NOA1: variants seen among roughly 807,000 people sequenced by gnomAD.
The protein encoded by NOA1 is nitric oxide associated 1, also known as nitric oxide-associated protein 1.
Under a neutral mutation model 58.4 loss-of-function variants are expected in NOA1, and 35 were observed. That is an observed-to-expected ratio of 0.60 (90% CI 0.46 to 0.79). The LOEUF (loss-of-function observed/expected upper bound fraction) is 0.79. Among genes scored for constraint, NOA1 ranks in the 30% least tolerant of loss-of-function variants. NOA1 has a pLI of 0.00. For synonymous variants in NOA1, 397 were observed against 373.4 expected (o/e 1.06, Z -0.73); for missense variants, 895 against 894.6 (o/e 1.00, Z -0.01).
At chr4:56,967,409 A>G (rs1449861153) in intron 4 of NOA1, among the ~76,000 whole-genome samples, 1 of 151,938 alleles carries the variant, frequency 6.6e-6, no homozygotes, top group Admixed American at 6.6e-5. Flanking sequence ...ACAAAAAAAC[A>G]AAAAACCAAC....
chr4:56,968,979 G>T (rs1330907567), intron 3 of NOA1, among the ~76,000 whole-genome samples: 3 of 152,220 alleles, frequency 2.0e-5, no homozygotes, highest in African/African-American at 7.2e-5. Flanking sequence ...CTAGGAGCAA[G>T]TAAAGTGGCT....
Position 56,976,740 on chromosome 4 carries a change from G to A in NOA1, c.846C>T (p.Gly282=), listed in dbSNP as rs201444650. 39 of 1,611,178 alleles carry A rather than the reference G, an allele frequency of 2.4e-5. No homozygotes were observed. Among genetic ancestry groups the A allele is most frequent in the Non-Finnish European group, 2.9e-5 (34 of 1,178,518 alleles). ...TGACGGGGCGCTGTGGCCCTTGGTG[G>A]CCAGGGGCCAGCAGGAGCCCGGCGC... The part of the protein sequence containing the change: ...CARAGLLLAP[G]HQGPQRPVKD... Residue 282 remains glycine (G), a synonymous_variant, in exon 1 of 7, where the codon GGC becomes GGT. Coordinates refer to ENST00000264230, the MANE Select transcript of NOA1 (RefSeq NM_032313.4).
At position 56,974,068 on chromosome 4, in the gene NOA1, G is replaced by A. The variant is rs1481309323; in HGVS notation, c.1145-46C>T. The A allele has an allele frequency of 4.4e-6, 5 of 1,147,320 alleles. No individual in the cohort carries two copies. The South Asian group carries it at 7.4e-5, about 17-fold the overall frequency. 71.1% of individuals were successfully genotyped at this position (1,147,320 alleles called of 1,614,324 possible). A position where few individuals can be genotyped will look rare whatever the true frequency, so the allele number is the denominator to read the frequency against. On this transcript the variant is annotated intron_variant, in intron 1 of 6. Coordinates refer to ENST00000264230, the MANE Select transcript of NOA1 (RefSeq NM_032313.4). Reference sequence around the variant, plus strand: ...ACATCTTTACAAAAGGGAATAAGGGGGAAGAAAATGAACATTTTTGAGGAT... The same window carrying A: ...ACATCTTTACAAAAGGGAATAAGGGAGAAGAAAATGAACATTTTTGAGGAT...
At chr4:56,976,073 A>G (rs1040956279) in intron 1 of NOA1, among the ~76,000 whole-genome samples, 13 of 152,122 alleles carry the variant, frequency 8.5e-5, no homozygotes, top group South Asian at 2.1e-4. Context: ...AACAAAACAC[A>G]AAGTTCATTA....
rs754800034 is a variant in NOA1 at position 56,963,569 on chromosome 4, A to T, written c.1978T>A (p.Leu660Met). The T allele has an allele frequency of 1.9e-6, 3 of 1,614,048 alleles. No homozygotes were observed. Among genetic ancestry groups the T allele is most frequent in the Non-Finnish European group, 2.5e-6 (3 of 1,179,962 alleles). Residue 660 changes from leucine to methionine, a missense_variant, in exon 7 of 7, where the codon TTG becomes ATG. By Grantham distance (15) the Leu-to-Met change is conservative (BLOSUM62 2). Around this residue, in one of 3 missense-constraint regions of NOA1, gnomAD observed 212 missense variants for 221.3 expected, o/e 0.96. Coordinates refer to ENST00000264230, the MANE Select transcript of NOA1 (RefSeq NM_032313.4). Reference sequence around the variant, plus strand: ...CCTTTGATGTTAACAATATATGGCAAGAGAGGGGGCCGGACGGTCAAAACT... The same window carrying T: ...CCTTTGATGTTAACAATATATGGCATGAGAGGGGGCCGGACGGTCAAAACT... ...GTVLTVRPPL[L>M]PYIVNIKGQR...
At chr4:56,969,132 T>C (rs1283959007) in intron 3 of NOA1, among the ~76,000 whole-genome samples, 1 of 152,140 alleles carries the variant, frequency 6.6e-6, no homozygotes, top group East Asian at 1.9e-4. Context: ...ATAAATCCCT[T>C]CTAAGGATGA....
chr4:56,976,292 G>C, intron 1 of NOA1, 150 bp downstream of exon 1: 1 of 652,348 alleles, frequency 1.5e-6, no homozygotes, highest in Non-Finnish European at 2.6e-6. Context: ...ACACAGAAGA[G>C]AGGTGTGACC....
Position 56,973,174 on chromosome 4 carries a change from T to G in NOA1, c.1489A>C (p.Thr497Pro). ...CAATTTTCTTTTGTAATTCCAGGGGTGTCATAAAACCAGTGGGCATCTTTC... is the reference window on the plus strand; with the variant it reads ...CAATTTTCTTTTGTAATTCCAGGGGGGTCATAAAACCAGTGGGCATCTTTC... The part of the protein sequence containing the change: ...DVKDAHWFYD[T>P]PGITKENCIL... The change falls in exon 3 of 7, where the codon ACC (threonine) becomes CCC (proline). Residue 497 changes from threonine (T) to proline (P), a missense_variant. Physicochemically the swap from Thr to Pro is conservative, Grantham distance 38. Coordinates refer to ENST00000264230, the MANE Select transcript of NOA1 (RefSeq NM_032313.4). 1 of 1,614,040 alleles carries G rather than the reference T, an allele frequency of 6.2e-7. No individual in the cohort carries two copies. Among genetic ancestry groups the G allele is most frequent in the Non-Finnish European group, 8.5e-7 (1 of 1,180,000 alleles).
In NOA1 at chr4:56,977,568, T is replaced by C. The variant is rs1721979348; in HGVS notation, c.18A>G (p.Leu6=). The change falls in exon 1 of 7, where the codon CTA becomes CTG. Residue 6 remains leucine (L), a synonymous_variant. Coordinates refer to ENST00000264230, the MANE Select transcript of NOA1 (RefSeq NM_032313.4). MLPAR[L]PFRLLSLFLR... is the part of the protein sequence containing the mutation. ...GGAAAAGGCTCAGCAGCCTGAACGG[T>C]AGGCGAGCGGGCAGCATGAGGAAGT... 6.9e-6 allele frequency: 11 copies of C among 1,595,356 alleles called. No homozygotes were observed. Among genetic ancestry groups the C allele is most frequent in the Non-Finnish European group, 9.4e-6 (11 of 1,170,106 alleles).
intron 3 of NOA1, among the ~76,000 whole-genome samples, chr4:56,970,264 C>G (rs1337776042): frequency 1.3e-5 from 2 of 151,886 alleles, no homozygotes; most frequent in African/African-American, 4.8e-5. Context: ...CCACTGCACT[C>G]CAGCCTAGAC....
rs747984727 is a variant in NOA1 at position 56,966,685 on chromosome 4, G to A, written c.1699C>T (p.His567Tyr). 6.2e-7 allele frequency: 1 copy of A among 1,613,958 alleles called. No homozygotes were observed. The stretch of plus-strand genomic sequence containing the variant: ...TCTGCCCTGTCCAAGGAGGTGATAT[G>A]CACAGGGAGGATGTTGGAAGCCACG... ...TVVASNILPVHITSLDRADAL... is the reference protein window; with the variant it reads ...TVVASNILPVYITSLDRADAL... The change falls in exon 5 of 7, where the codon CAT becomes TAT. Residue 567 changes from histidine to tyrosine, a missense_variant. By Grantham distance (83) the His-to-Tyr change is moderately conservative. Coordinates refer to ENST00000264230, the MANE Select transcript of NOA1 (RefSeq NM_032313.4).
chr4:56,976,863 C>T lies in NOA1; in HGVS notation c.723G>A (p.Lys241=), dbSNP rs1578544092. 1 of 1,613,214 alleles carries T rather than the reference C, an allele frequency of 6.2e-7. No homozygotes were observed. Among genetic ancestry groups the T allele is most frequent in the Non-Finnish European group, 8.5e-7 (1 of 1,179,868 alleles). ...CTTTGTTTCCCAGCACGATCAGCTG[C>T]TTGGGGCCCACCAGCGCGGGCAAGT... ...LPDLPALVGP[K]QLIVLGNKVD... is the part of the protein sequence containing the mutation. Residue 241 remains lysine (K), a synonymous_variant, in exon 1 of 7, where the codon AAG becomes AAA. Transcript: ENST00000264230.
At chr4:56,976,285 C>T (rs1408255968) in intron 1 of NOA1, among the ~76,000 whole-genome samples, 157 bp downstream of exon 1, 1 of 152,120 alleles carries the variant, frequency 6.6e-6, no homozygotes, top group Non-Finnish European at 1.5e-5. Context: ...TAAGCTGACA[C>T]AGAAGAGAGG....
rs1721852137 is a variant in NOA1 at position 56,973,885 on chromosome 4, C to T, written c.1282G>A (p.Val428Ile). The change falls in exon 2 of 7, where the codon GTC (valine) becomes ATC (isoleucine). Residue 428 changes from valine to isoleucine, a missense_variant. Physicochemically the swap from Val to Ile is conservative, Grantham distance 29 (BLOSUM62 3). Around this residue, in one of 3 missense-constraint regions of NOA1, gnomAD observed 680 missense variants for 656.5 expected, o/e 1.04. Coordinates refer to ENST00000264230, the MANE Select transcript of NOA1 (RefSeq NM_032313.4). ...ACGACATAACCATGCTTTTTGAGGA[C>T]ATTAAGCTGATTTTGTTCTTGCTCA... ...LSEQEQNQLN[V>I]LKKHGYVVGR... The T allele has an allele frequency of 6.2e-7, 1 of 1,613,990 alleles. No homozygotes were observed. The highest frequency in any genetic ancestry group is 8.5e-7 in the Non-Finnish European group (1 of 1,180,038).
In NOA1 at chr4:56,977,355, G is replaced by A. The variant is rs777242303; in HGVS notation, c.231C>T (p.Tyr77=). ...TGGGTTGCGGCTCCGGATCCAGGAT[G>A]TACTCCGGGAACAGAAAACGCTCCT... ...DMQERFLFPE[Y]ILDPEPQPTR... is the part of the protein sequence containing the mutation. Residue 77 remains tyrosine, a synonymous_variant, in exon 1 of 7, where the codon TAC becomes TAT. Coordinates refer to ENST00000264230, the MANE Select transcript of NOA1 (RefSeq NM_032313.4). 4 of 1,614,218 alleles carry A rather than the reference G, an allele frequency of 2.5e-6. No individual in the cohort carries two copies. The highest frequency in any genetic ancestry group is 3.4e-6 in the Non-Finnish European group (4 of 1,180,044).
chr4:56,969,549 G>C (rs1721779233), intron 3 of NOA1, among the ~76,000 whole-genome samples: 2 of 152,144 alleles, frequency 1.3e-5, no homozygotes, highest in South Asian at 4.1e-4. Context: ...TCCAGCCTGG[G>C]CCATAGAGCA....
At chr4:56,968,130 C>T (rs1033594135) in intron 4 of NOA1, among the ~76,000 whole-genome samples, 1 of 151,994 alleles carries the variant, frequency 6.6e-6, no homozygotes, top group Non-Finnish European at 1.5e-5. Context: ...GTTGACCAGG[C>T]GGGTCTTGAT....
At position 56,968,495 on chromosome 4, in the gene NOA1, T is replaced by C. The variant is rs1721757592; in HGVS notation, c.1536A>G (p.Glu512=). Residue 512 remains glutamate (E), a synonymous_variant, in exon 4 of 7, where the codon GAA becomes GAG. Coordinates refer to ENST00000264230, the MANE Select transcript of NOA1 (RefSeq NM_032313.4). ...TTGGCAAAACAATATTTACTTCTTTTTCTGTTAGAAGATTTAAAATCTGTG... is the reference window on the plus strand; with the variant it reads ...TTGGCAAAACAATATTTACTTCTTTCTCTGTTAGAAGATTTAAAATCTGTG... ...KENCILNLLT[E]KEVNIVLPTQ... is the part of the protein sequence containing the mutation. 6.2e-7 allele frequency: 1 copy of C among 1,600,188 alleles called. No homozygotes were observed. Among genetic ancestry groups the C allele is most frequent in the Non-Finnish European group, 8.5e-7 (1 of 1,174,458 alleles).
intron 6 of NOA1, 102 bp from the exon 7 acceptor site, chr4:56,963,763 T>C: frequency 2.8e-6 from 2 of 718,076 alleles, no homozygotes; most frequent in Non-Finnish European, 4.7e-6. Context: ...GCTGTCACTC[T>C]CTTTCACTCT....
Sources: allele counts gnomAD v4.1 joint callset (sites outside exome capture counted in the v4.1 genomes callset), GRCh38; gene constraint gnomAD v4.1.1; regional missense constraint gnomAD v4.1.1; transcripts MANE v1.5; gene names NCBI Gene and HGNC (gene_info 2026-07-23, HGNC 2026-07-21).